RIMBP2: variants seen among roughly 807,000 people sequenced by gnomAD.
The protein encoded by RIMBP2 is RIMS-binding protein 2.
RIMBP2 carries 48 observed loss-of-function variants against 118.6 expected under a neutral mutation model. That is an observed-to-expected ratio of 0.40 (90% CI 0.32 to 0.51). The LOEUF (loss-of-function observed/expected upper bound fraction) is 0.51. Among genes scored for constraint, RIMBP2 ranks in the 20% least tolerant of loss-of-function variants. RIMBP2 has a pLI of 0.41. For missense variants in RIMBP2, 1,551 were observed against 1,768.3 expected (o/e 0.88, Z 2.20); for synonymous variants, 762 against 742.9 (o/e 1.03, Z -0.42).
At chr12:130,509,614 A>G (rs1024313220) in intron 3 of RIMBP2, among the ~76,000 whole-genome samples, 4 of 152,032 alleles carry the variant, frequency 2.6e-5, no homozygotes, top group Non-Finnish European at 5.9e-5. Context: ...TTCTACAGGG[A>G]GGGCCTCTCC....
chr12:130,417,868 A>G (rs10848098), intron 17 of RIMBP2, among the ~76,000 whole-genome samples: 68,790 of 146,340 alleles, frequency 0.47, 17,542 homozygotes, highest in African/African-American at 0.71. Flanking sequence ...AGAGAATGGG[A>G]GGGGAGAGGG....
chr12:130,481,158 G>C (rs2081973661), intron 4 of RIMBP2, among the ~76,000 whole-genome samples: 1 of 149,722 alleles, frequency 6.7e-6, no homozygotes, highest in African/African-American at 2.5e-5. Flanking sequence ...GGTGGTGAGG[G>C]CGGGGGCACC....
chr12:130,399,685 T>C lies in RIMBP2; in HGVS notation c.3894A>G (p.Ala1298=). ...YSQDTPMRSK[A]KRVPPEGSGT... is the part of the protein sequence containing the mutation. ...GCTAAATAGGTTTGCTTACCCTTTT[T>C]GCCTTTGAGCGCATTGGCGTATCTT... The change falls in exon 22 of 23, where the codon GCA becomes GCG. Residue 1298 remains alanine, a synonymous_variant. Transcript: ENST00000690449. 6.2e-7 allele frequency: 1 copy of C among 1,614,112 alleles called. No homozygotes were observed. The highest frequency in any genetic ancestry group is 8.5e-7 in the Non-Finnish European group (1 of 1,179,980).
rs1326672336 is a variant in RIMBP2, at chr12:130,578,587, G to A, written c.-217+49735C>T. Among the ~76,000 whole-genome samples, 1 of 152,224 alleles carries A rather than the reference G, an allele frequency of 6.6e-6. No individual in the cohort carries two copies. The highest frequency in any genetic ancestry group is 1.5e-5 in the Non-Finnish European group (1 of 68,046). ...GCTCCAGCCTTGGGGCCTGTGCACT[G>A]TGGGCCCCTCTGCCTGAACAGGCTT... On this transcript the variant is annotated intron_variant, in intron 2 of 22. Transcript: ENST00000690449. This position sits in a 1 kb window ranked among gnomAD's most constrained non-coding sequence, Gnocchi z 4.1.
intron 11 of RIMBP2, among the ~76,000 whole-genome samples, chr12:130,439,013 C>G (rs1159905307): frequency 6.6e-6 from 1 of 151,972 alleles, no homozygotes; most frequent in Non-Finnish European, 1.5e-5. Context: ...TTTTCTCTCC[C>G]TCTACCCTCT....
chr12:130,681,345 A>G (rs908952940), intron 1 of RIMBP2, among the ~76,000 whole-genome samples: 4 of 152,202 alleles, frequency 2.6e-5, no homozygotes, highest in Non-Finnish European at 4.4e-5. Context: ...AAAATATAAC[A>G]TAAGATGTAA....
intron 2 of RIMBP2, among the ~76,000 whole-genome samples, chr12:130,606,227 T>TTACA (rs1236963528): frequency 2.0e-5 from 3 of 152,218 alleles, no homozygotes; most frequent in Non-Finnish European, 4.4e-5. Context: ...ATGGTGGGAA[T>TTACA]TACACACAGG....
At chr12:130,524,183 T>C (rs1034977526) in intron 2 of RIMBP2, among the ~76,000 whole-genome samples, 5 of 152,168 alleles carry the variant, frequency 3.3e-5, no homozygotes, top group Non-Finnish European at 5.9e-5. Context: ...GTGGACATGG[T>C]AATTAACCCA....
intron 2 of RIMBP2, among the ~76,000 whole-genome samples, chr12:130,587,199 G>A (rs1280879173): frequency 6.7e-6 from 1 of 149,516 alleles, no homozygotes. Context: ...GAGAGGATGT[G>A]GAGAAATAGG....
At position 130,683,476 on chromosome 12, in the gene RIMBP2, G is replaced by A. The variant is rs1307628213; in HGVS notation, c.-352+32746C>T. ...TAAATTCTCTGGTGGTATTGTCAGA[G>A]GCATGTGAACCAGAGCAACTCCATC... On this transcript the variant is annotated intron_variant, in intron 1 of 22. Coordinates refer to ENST00000690449, the MANE Select transcript of RIMBP2 (RefSeq NM_001393629.1). The surrounding 1 kb of genome is among the most constrained non-coding windows in gnomAD (Gnocchi z 4.4). 6.6e-6 allele frequency among the ~76,000 whole-genome samples: 1 copy of A among 152,202 alleles called. No homozygotes were observed. The highest frequency in any genetic ancestry group is 1.5e-5 in the Non-Finnish European group (1 of 68,034).
intron 7 of RIMBP2, among the ~76,000 whole-genome samples, chr12:130,452,542 C>A (rs1009978855): frequency 6.6e-6 from 1 of 152,242 alleles, no homozygotes; most frequent in East Asian, 1.9e-4. Flanking sequence ...GAAACCCAGC[C>A]GACAGCAGAG....
chr12:130,479,652 G>A (rs960823853), intron 4 of RIMBP2, among the ~76,000 whole-genome samples: 1 of 151,444 alleles, frequency 6.6e-6, no homozygotes, highest in Non-Finnish European at 1.5e-5. Flanking sequence ...TCCCGACCTC[G>A]GGCTCTGGTC....
intron 7 of RIMBP2, among the ~76,000 whole-genome samples, chr12:130,453,948 G>A (rs1484388657): frequency 6.6e-6 from 1 of 152,146 alleles, no homozygotes; most frequent in Non-Finnish European, 1.5e-5. Flanking sequence ...CAGCTACCTG[G>A]GAGGCTGAGG....
intron 17 of RIMBP2, among the ~76,000 whole-genome samples, chr12:130,416,596 C>T (rs527795068): frequency 1.6e-4 from 24 of 152,216 alleles, no homozygotes; most frequent in East Asian, 9.7e-4. Flanking sequence ...AAGATTTGAA[C>T]GTAAGACCTC....
intron 2 of RIMBP2, among the ~76,000 whole-genome samples, chr12:130,569,542 T>G (rs1347177804): frequency 6.6e-6 from 1 of 152,230 alleles, no homozygotes; most frequent in Non-Finnish European, 1.5e-5. Flanking sequence ...CCACATCTCA[T>G]GTTGAATTGC....
intron 1 of RIMBP2, among the ~76,000 whole-genome samples, chr12:130,713,189 AGAAGGAAGGAAGGAAGGAAGATAG>A (rs1221491502): frequency 4.5e-5 from 5 of 110,884 alleles, no homozygotes; most frequent in Admixed American, 3.1e-4. Context: ...AAGGAAGGAA[AGAAGGAAGGAAGGAAGGAAGATAG>A]GAAGGAAGGA....
At chr12:130,555,869 G>A (rs984954850) in intron 2 of RIMBP2, among the ~76,000 whole-genome samples, 1 of 152,198 alleles carries the variant, frequency 6.6e-6, no homozygotes, top group Non-Finnish European at 1.5e-5. Flanking sequence ...GTTCCATTCT[G>A]AGCAATAATC....
intron 1 of RIMBP2, among the ~76,000 whole-genome samples, chr12:130,651,716 T>G (rs138560974): frequency 1.2e-4 from 18 of 152,358 alleles, no homozygotes; most frequent in African/African-American, 4.1e-4. Flanking sequence ...AAGTTAAAGA[T>G]TTCTAGTGAT....
chr12:130,397,477 T>C lies in RIMBP2; in HGVS notation c.3973A>G (p.Thr1325Ala), dbSNP rs2136233342. 1 of 399,058 alleles carries C rather than the reference T, an allele frequency of 2.5e-6. No homozygotes were observed. Among genetic ancestry groups the C allele is most frequent in the East Asian group, 3.6e-5 (1 of 28,080 alleles). 24.7% of individuals were successfully genotyped at this position (399,058 alleles called of 1,614,324 possible). A position where few individuals can be genotyped will look rare whatever the true frequency, so the allele number is the denominator to read the frequency against. ...PTVHLHSGSPTSSMGSGSPGR... is the reference protein window; with the variant it reads ...PTVHLHSGSPASSMGSGSPGR... ...GGACTACCAGAACCCATAGATGACG[T>C]AGGTGACCCCGAATGGAGATGGACT... Residue 1325 changes from threonine to alanine, a missense_variant, in exon 23 of 23, where the codon ACG becomes GCG. This residue lies in a region of RIMBP2 where 1,038 missense variants were observed against 1,125.1 expected (regional missense o/e 0.92). Coordinates refer to ENST00000690449, the MANE Select transcript of RIMBP2 (RefSeq NM_001393629.1).
Sources: allele counts gnomAD v4.1 joint callset (sites outside exome capture counted in the v4.1 genomes callset), GRCh38; gene constraint gnomAD v4.1.1; regional missense constraint gnomAD v4.1.1; non-coding constraint Gnocchi (gnomAD v3.1); transcripts MANE v1.5; gene names NCBI Gene and HGNC (gene_info 2026-07-23, HGNC 2026-07-21).